The following ALS2 variants were observed in gnomAD, a reference collection of about 807,000 sequenced individuals.
ALS2 encodes alsin Rho guanine nucleotide exchange factor ALS2, also known as alsin.
In ALS2, 117 loss-of-function variants were observed where a neutral mutation model predicts 203.4. The ratio of observed to expected loss-of-function variants is 0.58; its 90% CI spans 0.50 to 0.67. The LOEUF is 0.67. Among genes scored for constraint, ALS2 ranks in the 30% least tolerant of loss-of-function variants. The probability of loss-of-function intolerance (pLI) is 0.00; values close to 1 mark genes in which losing one functional copy is unlikely to be tolerated. For missense variants in ALS2, 1,715 were observed against 1,989.4 expected, an observed-to-expected ratio of 0.86 and a Z score of 2.62; for synonymous variants, 718 against 725.9, an observed-to-expected ratio of 0.99 and a Z score of 0.17.
At chr2:201,721,401 T>A (rs536224932) in intron 23 of ALS2, among the ~76,000 whole-genome samples, 2 of 152,204 alleles carry the variant, frequency 1.3e-5, no homozygotes, top group Non-Finnish European at 2.9e-5. Flanking sequence ...TATTCCTGAT[T>A]TCACAACTTA....
intron 26 of ALS2, among the ~76,000 whole-genome samples, chr2:201,710,653 G>C (rs1213046356): frequency 1.3e-5 from 2 of 151,994 alleles, no homozygotes; most frequent in Non-Finnish European, 2.9e-5. Flanking sequence ...ACAAGTTTTC[G>C]AAGGAAGCAA....
chr2:201,720,432 G>A (rs867201889), intron 23 of ALS2, among the ~76,000 whole-genome samples: 3 of 151,516 alleles, frequency 2.0e-5, no homozygotes, highest in African/African-American at 7.3e-5. Flanking sequence ...GCCAAGCATG[G>A]TGGCTCATGC....
At chr2:201,771,544 G>A (rs1024520018) in intron 1 of ALS2, among the ~76,000 whole-genome samples, 2 of 152,124 alleles carry the variant, frequency 1.3e-5, no homozygotes, top group African/African-American at 2.4e-5. Context: ...TTAAGTAAGG[G>A]TGGTATTTAC....
At chr2:201,765,677 A>G (rs1694038622) in intron 3 of ALS2, 1 of 167,106 alleles carries the variant, frequency 6.0e-6, no homozygotes, top group Non-Finnish European at 1.5e-5. Context: ...TAAATTAGTG[A>G]AGTAGATGGC....
At position 201,746,706 on chromosome 2, in the gene ALS2, C is replaced by A. The variant is rs1367760093; in HGVS notation, c.1858G>T (p.Asp620Tyr). The change falls in exon 9 of 34, where the codon GAT (aspartate) becomes TAT (tyrosine). Residue 620 changes from aspartate (D) to tyrosine (Y), a missense_variant. Coordinates refer to ENST00000264276, the MANE Select transcript of ALS2 (RefSeq NM_020919.4). ...NGVWSIAAGR[D>Y]YSLFLVDTED... is the part of the protein sequence containing the mutation. ...GTATCCACTAAAAACAGGGAATAAT[C>A]CCTGCCTGCAGCTATGCTCCAGACT... 13 of 1,614,018 alleles carry A rather than the reference C, an allele frequency of 8.1e-6. No individual in the cohort carries two copies. In the Admixed American group the frequency reaches 1.5e-4, roughly 19 times the overall value.
chr2:201,757,916 A>T (rs913813305), intron 4 of ALS2, among the ~76,000 whole-genome samples, 157 bp from the exon 5 acceptor site: 1 of 152,250 alleles, frequency 6.6e-6, no homozygotes. Context: ...TCTCTTCTTG[A>T]TCATGGAGTT....
At chr2:201,716,150 G>A (rs536319466) in intron 24 of ALS2, among the ~76,000 whole-genome samples, 2 of 152,146 alleles carry the variant, frequency 1.3e-5, no homozygotes, top group African/African-American at 4.8e-5. Flanking sequence ...GCTCATGTCT[G>A]TAATCCTAGC....
chr2:201,701,610 T>A lies in ALS2; in HGVS notation c.*241A>T. 1 of 461,724 alleles carries A rather than the reference T, an allele frequency of 2.2e-6. No homozygotes were observed. The highest frequency in any genetic ancestry group is 3.9e-6 in the Non-Finnish European group (1 of 257,388). The allele number at this position is 461,724 out of a possible 1,614,324, so 28.6% of individuals were successfully genotyped here. On this transcript the variant is annotated 3_prime_UTR_variant, in exon 34 of 34. Coordinates refer to ENST00000264276, the MANE Select transcript of ALS2 (RefSeq NM_020919.4). ...AGATAAATGGTATTTTTGGAACTTA[T>A]CATAGGCCAAGAACTGGTCTAATCT...
In ALS2 at chr2:201,729,134, C is replaced by G. The variant is rs1691380417; in HGVS notation, c.2630G>C (p.Cys877Ser). The part of the protein sequence containing the change: ...KLQDSSSCYE[C>S]LALHLGRKRK... ...TTTCCTGCCGAGATGGAGAGCAAGA[C>G]ACTCATAACAAGAACTGGAATCCTG... Residue 877 changes from cysteine (C) to serine (S), a missense_variant, in exon 14 of 34, where the codon TGT becomes TCT. By Grantham distance (112) the Cys-to-Ser change is moderately radical. Transcript: ENST00000264276. 6.2e-7 allele frequency: 1 copy of G among 1,613,264 alleles called. No individual in the cohort carries two copies. The highest frequency in any genetic ancestry group is 8.5e-7 in the Non-Finnish European group (1 of 1,179,914).
chr2:201,755,688 T>A (rs1693339644), intron 5 of ALS2, among the ~76,000 whole-genome samples: 1 of 152,206 alleles, frequency 6.6e-6, no homozygotes, highest in Non-Finnish European at 1.5e-5. Context: ...GGAAAAAGAT[T>A]ATGAAAGGGA....
At chr2:201,708,673 T>C (rs186404699) in intron 27 of ALS2, among the ~76,000 whole-genome samples, 59 of 152,328 alleles carry the variant, frequency 3.9e-4, no homozygotes, top group African/African-American at 1.2e-3. Flanking sequence ...AGGGGATAAA[T>C]TGGTGAGGAA....
At chr2:201,717,717 G>A (rs1334483890) in intron 24 of ALS2, among the ~76,000 whole-genome samples, 1 of 151,912 alleles carries the variant, frequency 6.6e-6, no homozygotes, top group Non-Finnish European at 1.5e-5. Flanking sequence ...GCTGAGGCAG[G>A]AGGATCGCTT....
Position 201,725,461 on chromosome 2 carries a change from T to G in ALS2, c.3249-7A>C. ...GATTCTGTATTCTCCATACCTGCCA[T>G]GAAAAAGAAAAAATAACAAAAGAAG... On this transcript the variant is annotated splice_region_variant and splice_polypyrimidine_tract_variant and intron_variant, in intron 19 of 33. Transcript: ENST00000264276. 1.9e-6 allele frequency: 3 copies of G among 1,607,632 alleles called. No homozygotes were observed. Among genetic ancestry groups the G allele is most frequent in the Non-Finnish European group, 2.6e-6 (3 of 1,174,314 alleles).
intron 1 of ALS2, among the ~76,000 whole-genome samples, 199 bp downstream of exon 1, chr2:201,780,678 G>A (rs1048004185): frequency 4.6e-4 from 70 of 152,366 alleles, no homozygotes; most frequent in Non-Finnish European, 8.5e-4. Flanking sequence ...CTCGGGCGCT[G>A]CTGGACCGGC....
At chr2:201,735,735 G>A (rs1308688140) in intron 12 of ALS2, among the ~76,000 whole-genome samples, 2 of 152,154 alleles carry the variant, frequency 1.3e-5, no homozygotes, top group Non-Finnish European at 2.9e-5. Context: ...CAATTCTTCA[G>A]TACTGTGAAT....
intron 4 of ALS2, chr2:201,760,256 A>T: frequency 1.2e-6 from 1 of 854,506 alleles, no homozygotes; most frequent in Non-Finnish European, 1.4e-6. Flanking sequence ...GGCTGCAGTG[A>T]GCCACAATCG....
intron 4 of ALS2, 179 bp downstream of exon 4, chr2:201,760,702 G>A (rs888296319): frequency 7.0e-7 from 1 of 1,418,844 alleles, no homozygotes; most frequent in Non-Finnish European, 9.2e-7. Context: ...AACATAAAGA[G>A]TGATTTTGAA....
intron 2 of ALS2, among the ~76,000 whole-genome samples, chr2:201,768,504 C>A (rs1694218231): frequency 6.6e-6 from 1 of 152,098 alleles, no homozygotes; most frequent in Admixed American, 6.5e-5. Context: ...AACCATGGTT[C>A]TATAGGAGGA....
chr2:201,767,191 A>G (rs773138468), intron 3 of ALS2, 38 bp downstream of exon 3: 2 of 1,613,536 alleles, frequency 1.2e-6, no homozygotes, highest in East Asian at 4.5e-5. Context: ...ATTTGTTAGC[A>G]TTGCAGTTCG....
Sources: allele counts gnomAD v4.1 joint callset (sites outside exome capture counted in the v4.1 genomes callset), GRCh38; gene constraint gnomAD v4.1.1; transcripts MANE v1.5; gene names NCBI Gene and HGNC (gene_info 2026-07-23, HGNC 2026-07-21).